The following CEP63 variants were observed in gnomAD, a reference collection of about 807,000 sequenced individuals.
CEP63 encodes the protein centrosomal protein of 63 kDa.
A neutral mutation model predicts 89.1 loss-of-function variants in CEP63; 84 were observed. The observed-to-expected ratio is 0.94, with a 90% CI of 0.79 to 1.13. CEP63 has a LOEUF of 1.13. CEP63 is among the 50% of genes most tolerant of loss of function. The probability of loss-of-function intolerance (pLI) is 0.00; values close to 1 mark genes in which losing one functional copy is unlikely to be tolerated. For synonymous variants in CEP63, 267 were observed against 272.5 expected (o/e 0.98, Z 0.20); for missense variants, 838 against 813.3 (o/e 1.03, Z -0.37).
At chr3:134,669,988 A>T in the CEP63 span, among the ~76,000 whole-genome samples, 1 of 152,178 alleles carries the variant, frequency 6.6e-6, no homozygotes, top group Non-Finnish European at 1.5e-5. Context: ...CTTTTAAAAG[A>T]GACCCTGAGA....
intron 10 of CEP63, among the ~76,000 whole-genome samples, chr3:134,583,104 AAAATTT>A (rs1958401088): frequency 6.6e-6 from 1 of 152,170 alleles, no homozygotes; most frequent in African/African-American, 2.4e-5. Context: ...AGTAGGTTGC[AAAATTT>A]TTCTCCCATT....
the CEP63 span, among the ~76,000 whole-genome samples, chr3:134,672,229 A>G: frequency 6.6e-6 from 1 of 152,348 alleles, no homozygotes; most frequent in East Asian, 1.9e-4. Context: ...GCAGCTAAAA[A>G]TGAGTAATAA....
At chr3:134,610,535 T>A in the CEP63 span, 1 of 658,360 alleles carries the variant, frequency 1.5e-6, no homozygotes, top group Non-Finnish European at 2.6e-6. Flanking sequence ...TAAACAGCCT[T>A]GATGGCTTTT....
chr3:134,766,267 T>C, the CEP63 span, among the ~76,000 whole-genome samples: 9 of 152,228 alleles, frequency 5.9e-5, no homozygotes, highest in African/African-American at 2.2e-4. Flanking sequence ...GCTGCAGATG[T>C]GTATAGCCCT....
At chr3:134,611,634 C>A in the CEP63 span, among the ~76,000 whole-genome samples, 1 of 152,234 alleles carries the variant, frequency 6.6e-6, no homozygotes, top group African/African-American at 2.4e-5. Context: ...TGATGGGGCT[C>A]CTTTGAGTAC....
the CEP63 span, among the ~76,000 whole-genome samples, chr3:134,690,589 T>C: frequency 6.6e-6 from 1 of 152,164 alleles, no homozygotes; most frequent in Non-Finnish European, 1.5e-5. Context: ...CTCTCCACTC[T>C]ATATCCTTCC....
At chr3:134,606,665 C>A in the CEP63 span, among the ~76,000 whole-genome samples, 1 of 152,182 alleles carries the variant, frequency 6.6e-6, no homozygotes, top group Non-Finnish European at 1.5e-5. Context: ...TAGCCTGTTT[C>A]ATTTCCTGCC....
Position 134,486,099 on chromosome 3 carries a change from T to C in CEP63, c.-129T>C. ...CAGGGGAAGTCTGGAGAAGGCATTG[T>C]TTCAATTATTAAAAGTGTGGGGGCA... On this transcript the variant is annotated 5_prime_UTR_variant, in exon 1 of 15. Transcript: ENST00000675561. 1.0e-6 allele frequency: 1 copy of C among 985,454 alleles called. No individual in the cohort carries two copies. Among genetic ancestry groups the C allele is most frequent in the East Asian group, 1.1e-4 (1 of 8,808 alleles). The allele number at this position is 985,454 out of a possible 1,614,324, so 61.0% of individuals were successfully genotyped here.
the CEP63 span, among the ~76,000 whole-genome samples, chr3:134,665,692 CACACACACACAG>C: frequency 6.8e-4 from 61 of 90,078 alleles, no homozygotes; most frequent in African/African-American, 9.0e-4. Context: ...CACACACACA[CACACACACACAG>C]AGAGAGAGAG....
At chr3:134,712,782 G>GA in the CEP63 span, among the ~76,000 whole-genome samples, 1 of 152,162 alleles carries the variant, frequency 6.6e-6, no homozygotes, top group Non-Finnish European at 1.5e-5. Context: ...GTTTTCTGGG[G>GA]GGAACTCAAA....
chr3:134,598,302 G>A, the CEP63 span, among the ~76,000 whole-genome samples: 1 of 152,130 alleles, frequency 6.6e-6, no homozygotes, highest in Non-Finnish European at 1.5e-5. Context: ...CTGACTGGGT[G>A]GCCTTGGCAC....
At chr3:134,697,966 C>A in the CEP63 span, among the ~76,000 whole-genome samples, 1 of 152,296 alleles carries the variant, frequency 6.6e-6, no homozygotes, top group South Asian at 2.1e-4. Flanking sequence ...CATGTCCCTC[C>A]GTTAGGACAC....
At chr3:134,737,778 G>C in the CEP63 span, among the ~76,000 whole-genome samples, 1 of 152,204 alleles carries the variant, frequency 6.6e-6, no homozygotes, top group Admixed American at 6.5e-5. Context: ...ATGGCTCAAT[G>C]TAGGTTATTT....
intron 5 of CEP63, chr3:134,536,422 TAGAA>T (rs1463242866): frequency 6.5e-6 from 1 of 153,166 alleles, no homozygotes; most frequent in East Asian, 1.9e-4. Flanking sequence ...AAGACAGTGA[TAGAA>T]AGATTGAGTT....
At chr3:134,504,678 T>C (rs1943001890) in intron 2 of CEP63, among the ~76,000 whole-genome samples, 1 of 139,392 alleles carries the variant, frequency 7.2e-6, no homozygotes, top group African/African-American at 2.6e-5. Flanking sequence ...TCAGCTATTA[T>C]TTTGTTAAAT....
chr3:134,611,843 T>A, the CEP63 span, among the ~76,000 whole-genome samples: 2 of 152,240 alleles, frequency 1.3e-5, no homozygotes, highest in Non-Finnish European at 2.9e-5. Context: ...TGGGGTGAAA[T>A]GGCCATGCAT....
At chr3:134,553,930 T>TTAA (rs1553783685) in intron 12 of CEP63, among the ~76,000 whole-genome samples, 14 of 152,216 alleles carry the variant, frequency 9.2e-5, no homozygotes, top group African/African-American at 2.9e-4. Flanking sequence ...TGAAATAAAC[T>TTAA]ATATTTATTT....
Position 134,532,763 on chromosome 3 carries a change from T to TAG in CEP63, c.319-14_319-13insGA. ...AATTCTTAAACTTTAAATATAGAAA[T>TAG]AACTGTTTCTACAGTTATGCATACT... On this transcript the variant is annotated splice_polypyrimidine_tract_variant and intron_variant, in intron 4 of 14. Coordinates refer to ENST00000675561, the MANE Select transcript of CEP63 (RefSeq NM_001353108.3). 2.5e-6 allele frequency: 4 copies of TAG among 1,589,568 alleles called. No individual in the cohort carries two copies. Among genetic ancestry groups the TAG allele is most frequent in the African/African-American group, 1.3e-5 (1 of 74,480 alleles).
chr3:134,665,913 A>G, the CEP63 span, among the ~76,000 whole-genome samples: 1 of 152,142 alleles, frequency 6.6e-6, no homozygotes, highest in African/African-American at 2.4e-5. Context: ...AAAGAGACAG[A>G]GACCGAGACA....
Sources: gnomAD v4.1 joint callset for allele counts (sites outside exome capture counted in the v4.1 genomes callset) on GRCh38, gnomAD v4.1.1 for gene constraint, MANE v1.5 for transcripts, NCBI Gene and HGNC (gene_info 2026-07-23, HGNC 2026-07-21) for gene names.